Variants in ABCC6 observed in about 807,000 individuals in gnomAD.
ABCC6 encodes the protein ATP binding cassette subfamily C member 6, also known as ATP-binding cassette sub-family C member 6.
Under a neutral mutation model 169.5 loss-of-function variants are expected in ABCC6, and 126 were observed. The observed-to-expected ratio is 0.74, with a 90% confidence interval of 0.64 to 0.86. The LOEUF is 0.86. Ranked by LOEUF, ABCC6 falls within the 40% of genes least tolerant of loss-of-function variation. The probability of loss-of-function intolerance (pLI) is 0.00; values close to 1 mark genes in which losing one functional copy is unlikely to be tolerated. For synonymous variants in ABCC6, 752 were observed against 814.7 expected, an observed-to-expected ratio of 0.92 and a Z score of 1.31; for missense variants, 1,733 against 1,927.2, an observed-to-expected ratio of 0.90 and a Z score of 1.89.
chr16:16,194,130 T>TG (rs1286380796), intron 10 of ABCC6, among the ~76,000 whole-genome samples: 1 of 152,252 alleles, frequency 6.6e-6, no homozygotes, highest in African/African-American at 2.4e-5. Context: ...ATCCTGACCC[T>TG]GAGAGTTTTG....
At position 16,192,922 on chromosome 16, in the gene ABCC6, G is replaced by T. The variant is rs751934523; in HGVS notation, c.1339C>A (p.Leu447Ile). The T allele has an allele frequency of 1.5e-5, 24 of 1,613,714 alleles. No individual in the cohort carries two copies. In the East Asian group the frequency reaches 4.5e-4, roughly 30 times the overall value. Residue 447 changes from leucine (L) to isoleucine (I), a missense_variant and splice_region_variant, in exon 11 of 31, where the codon CTC becomes ATC. Physicochemically the swap from Leu to Ile is conservative, Grantham distance 5. Around this residue, in one of 5 missense-constraint regions of ABCC6, gnomAD observed 1,601 missense variants for 1,635.5 expected, o/e 0.98. Coordinates refer to ENST00000205557, the MANE Select transcript of ABCC6 (RefSeq NM_001171.6). Reference protein sequence around the residue: ...IVVCFVYLWQLLGPSALTAIA... With the variant: ...IVVCFVYLWQILGPSALTAIA... The stretch of plus-strand genomic sequence containing the variant: ...GCAGTGAGGGCGGAGGGCCCCAGGA[G>T]CTGGGGATAGAAGGGGCAGGATGTC...
intron 10 of ABCC6, among the ~76,000 whole-genome samples, chr16:16,197,450 A>G (rs1408852310): frequency 6.7e-6 from 1 of 150,114 alleles, no homozygotes; most frequent in African/African-American, 2.5e-5. Context: ...GAGGAGAAAA[A>G]GGAGGAGAGG....
At chr16:16,179,102 C>T in intron 17 of ABCC6, 137 bp from the exon 18 acceptor site, 1 of 1,008,238 alleles carries the variant, frequency 9.9e-7, no homozygotes, top group Admixed American at 2.0e-5. Context: ...TGGGGACAGG[C>T]CCAGCTTCCA....
intron 17 of ABCC6, among the ~76,000 whole-genome samples, 164 bp from the exon 18 acceptor site, chr16:16,179,129 G>A (rs2047389317): frequency 6.6e-6 from 1 of 152,160 alleles, no homozygotes; most frequent in African/African-American, 2.4e-5. Context: ...TCGCTCTCAA[G>A]CCAACAATGC....
intron 7 of ABCC6, among the ~76,000 whole-genome samples, chr16:16,206,033 C>G (rs1009622648): frequency 4.5e-4 from 69 of 152,352 alleles, no homozygotes; most frequent in Admixed American, 2.1e-3. Context: ...GTGTTTCCAT[C>G]TGCAAAATGG....
Position 16,198,010 on chromosome 16 carries a change from C to A in ABCC6, c.1338+11G>T, listed in dbSNP as rs1169986720. 6.2e-7 allele frequency: 1 copy of A among 1,613,660 alleles called. No individual in the cohort carries two copies. The highest frequency in any genetic ancestry group is 8.5e-7 in the Non-Finnish European group (1 of 1,179,844). Reference sequence around the variant, plus strand: ...ACTCCGTTCAAATCCCGTCTTCCTCCTCTGGCATACCTGCCAGAGATAGAC... The same window carrying A: ...ACTCCGTTCAAATCCCGTCTTCCTCATCTGGCATACCTGCCAGAGATAGAC... On this transcript the variant is annotated intron_variant, in intron 10 of 30. Coordinates refer to ENST00000205557, the MANE Select transcript of ABCC6 (RefSeq NM_001171.6).
intron 25 of ABCC6, among the ~76,000 whole-genome samples, chr16:16,160,316 G>T (rs566595710): frequency 6.4e-4 from 97 of 152,222 alleles, no homozygotes; most frequent in African/African-American, 2.2e-3. Context: ...TTCTCTGATG[G>T]GGTTGTGGGC....
intron 9 of ABCC6, 101 bp from the exon 10 acceptor site, chr16:16,198,283 C>T (rs573924543): frequency 8.4e-6 from 11 of 1,304,306 alleles, no homozygotes; most frequent in South Asian, 2.7e-5. Flanking sequence ...CACACGTCTG[C>T]GAGGTGGGTG....
intron 4 of ABCC6, among the ~76,000 whole-genome samples, chr16:16,215,899 T>G (rs1308299099): frequency 9.8e-5 from 15 of 152,318 alleles, no homozygotes; most frequent in Non-Finnish European, 1.9e-4. Flanking sequence ...AAATGATCCA[T>G]TCTACTCTTG....
At chr16:16,153,914 GAAA>G (rs75783374) in intron 29 of ABCC6, among the ~76,000 whole-genome samples, 8 of 105,702 alleles carry the variant, frequency 7.6e-5, no homozygotes, top group Non-Finnish European at 1.4e-4. Flanking sequence ...CAAAGAAAAA[GAAA>G]AAAAAAAAAA....
chr16:16,192,205 G>A (rs1316710640), intron 11 of ABCC6, among the ~76,000 whole-genome samples: 1 of 152,174 alleles, frequency 6.6e-6, no homozygotes, highest in South Asian at 2.1e-4. Flanking sequence ...GCAGGGATGT[G>A]TGAGATCGGG....
chr16:16,174,278 C>T (rs1951470096), intron 20 of ABCC6, among the ~76,000 whole-genome samples: 1 of 152,216 alleles, frequency 6.6e-6, no homozygotes, highest in Admixed American at 6.5e-5. Context: ...ACCGTTCAAA[C>T]CATGTTCCAA....
intron 14 of ABCC6, among the ~76,000 whole-genome samples, 182 bp downstream of exon 14, chr16:16,186,942 G>A (rs1334659574): frequency 6.6e-6 from 1 of 152,108 alleles, no homozygotes; most frequent in East Asian, 1.9e-4. Flanking sequence ...ATGGCTAGCA[G>A]AAAGAAGAGC....
intron 10 of ABCC6, among the ~76,000 whole-genome samples, chr16:16,196,538 C>T (rs1462820418): frequency 6.6e-6 from 1 of 152,192 alleles, no homozygotes; most frequent in African/African-American, 2.4e-5. Context: ...GCCTCAGCCC[C>T]TCTGGGGCAG....
chr16:16,206,559 G>C (rs2048398010), intron 7 of ABCC6, among the ~76,000 whole-genome samples: 1 of 151,886 alleles, frequency 6.6e-6, no homozygotes, highest in Non-Finnish European at 1.5e-5. Flanking sequence ...TTCCCCCAGT[G>C]GTTGCAAAAT....
At position 16,182,825 on chromosome 16, in the gene ABCC6, C is replaced by T. The variant is rs372511255; in HGVS notation, c.2049G>A (p.Val683=). The change falls in exon 16 of 31, where the codon GTG becomes GTA. Residue 683 remains valine (V), a synonymous_variant. Coordinates refer to ENST00000205557, the MANE Select transcript of ABCC6 (RefSeq NM_001171.6). ...TCACCTCGATGCTCACGAACCCCTC[C>T]ACCTTTGACAGCTCCCCAAGGAGGG... ...LSALLGELSK[V]EGFVSIEGAV... 71 of 1,613,936 alleles carry T rather than the reference C, an allele frequency of 4.4e-5. No individual in the cohort carries two copies. Among genetic ancestry groups the T allele is most frequent in the Non-Finnish European group, 5.9e-5 (70 of 1,180,026 alleles).
At chr16:16,211,167 C>T (rs193045633) in intron 6 of ABCC6, among the ~76,000 whole-genome samples, 4 of 151,964 alleles carry the variant, frequency 2.6e-5, no homozygotes, top group Non-Finnish European at 5.9e-5. Context: ...TTTGGGAAGC[C>T]GAGGCGGGCA....
In ABCC6 at chr16:16,150,057, A is replaced by T; in HGVS notation, c.*76T>A. ...TCAATATCGTGTGGAGCTATCGATG[A>T]CCACGGGTCACTTCCATCTCCAGCA... On this transcript the variant is annotated 3_prime_UTR_variant, in exon 31 of 31. Transcript: ENST00000205557. 6.3e-7 allele frequency: 1 copy of T among 1,590,520 alleles called. No individual in the cohort carries two copies.
chr16:16,179,387 T>C (rs941797815), intron 17 of ABCC6, among the ~76,000 whole-genome samples: 17 of 152,184 alleles, frequency 1.1e-4, no homozygotes, highest in Admixed American at 4.6e-4. Flanking sequence ...TGATATGTAA[T>C]AGTTGTAACT....
Sources: gnomAD v4.1 joint callset for allele counts (sites outside exome capture counted in the v4.1 genomes callset) on GRCh38, gnomAD v4.1.1 for gene constraint, gnomAD v4.1.1 regional missense constraint, MANE v1.5 for transcripts, NCBI Gene and HGNC (gene_info 2026-07-23, HGNC 2026-07-21) for gene names.